The following GLDC variants were observed in gnomAD, a reference collection of about 807,000 sequenced individuals.
The protein encoded by GLDC is glycine decarboxylase, also known as glycine dehydrogenase (decarboxylating), mitochondrial.
GLDC carries 104 observed loss-of-function variants against 121.3 expected under a neutral mutation model. That is an observed-to-expected ratio of 0.86 (90% CI 0.73 to 1.01). The LOEUF (loss-of-function observed/expected upper bound fraction) is 1.01, where lower values mean the gene tolerates loss of function less well. GLDC is among the 50% of genes least tolerant of loss of function. The pLI is 0.00. For missense variants in GLDC, 1,429 were observed against 1,306.6 expected (o/e 1.09, Z -1.44); for synonymous variants, 546 against 480.6 (o/e 1.14, Z -1.78).
intron 21 of GLDC, among the ~76,000 whole-genome samples, chr9:6,546,610 C>T (rs1001919435): frequency 1.3e-5 from 2 of 152,016 alleles, no homozygotes; most frequent in Admixed American, 6.6e-5. Context: ...TGAAGGACCG[C>T]CCTGAAGCTG....
At chr9:6,605,402 G>T in intron 5 of GLDC, 124 bp from the exon 6 acceptor site, 1 of 905,128 alleles carries the variant, frequency 1.1e-6, no homozygotes, top group Non-Finnish European at 1.8e-6. Flanking sequence ...TCCCACCCCT[G>T]CCCACATCCC....
intron 2 of GLDC, among the ~76,000 whole-genome samples, chr9:6,638,788 A>C (rs1287649196): frequency 6.6e-6 from 1 of 152,094 alleles, no homozygotes; most frequent in Admixed American, 6.5e-5. Flanking sequence ...AGGCAGGCAG[A>C]TCACGAGGTC....
intron 7 of GLDC, among the ~76,000 whole-genome samples, chr9:6,602,455 C>T (rs1818635662): frequency 6.6e-6 from 1 of 151,508 alleles, no homozygotes; most frequent in South Asian, 2.1e-4. Flanking sequence ...CGGCTCACTG[C>T]AACCTCTGCC....
chr9:6,549,156 A>G (rs1817457103), intron 21 of GLDC, among the ~76,000 whole-genome samples: 1 of 152,218 alleles, frequency 6.6e-6, no homozygotes, highest in African/African-American at 2.4e-5. Context: ...AAAGCAGAAA[A>G]AATCTAAATA....
chr9:6,537,095 C>G (rs1026403634), intron 22 of GLDC, among the ~76,000 whole-genome samples: 3 of 150,414 alleles, frequency 2.0e-5, no homozygotes, highest in Admixed American at 6.6e-5. Context: ...CACTGGCACA[C>G]TCACGGCTCA....
intron 11 of GLDC, among the ~76,000 whole-genome samples, chr9:6,591,252 C>T (rs1348122905): frequency 1.3e-5 from 2 of 152,212 alleles, no homozygotes; most frequent in East Asian, 3.8e-4. Context: ...AACACTCGGA[C>T]CCATCTTCCT....
intron 2 of GLDC, among the ~76,000 whole-genome samples, chr9:6,628,617 C>T (rs1441221630): frequency 6.6e-6 from 1 of 152,078 alleles, no homozygotes; most frequent in African/African-American, 2.4e-5. Flanking sequence ...GAGACCTCGT[C>T]TCTACAAAAA....
chr9:6,589,138 A>G, intron 12 of GLDC, 57 bp downstream of exon 12: 1 of 1,038,760 alleles, frequency 9.6e-7, no homozygotes. Context: ...CACTCTGCCT[A>G]ACTCCCTAGC....
chr9:6,571,890 A>G (rs1817976512), intron 15 of GLDC, among the ~76,000 whole-genome samples: 1 of 152,246 alleles, frequency 6.6e-6, no homozygotes, highest in South Asian at 2.1e-4. Context: ...GAATCCAGAA[A>G]TAGATCCAAA....
intron 15 of GLDC, among the ~76,000 whole-genome samples, chr9:6,581,509 A>T (rs1818170534): frequency 1.3e-5 from 2 of 152,202 alleles, no homozygotes; most frequent in African/African-American, 2.4e-5. Context: ...GGCGTCTCTG[A>T]CAGACAGTTA....
chr9:6,624,903 G>A (rs375852132), intron 2 of GLDC, among the ~76,000 whole-genome samples: 5 of 151,794 alleles, frequency 3.3e-5, no homozygotes, highest in East Asian at 1.9e-4. Context: ...CAGGAGAATC[G>A]CTTGAACCAG....
At chr9:6,585,892 C>CTATCTATCT (rs558883539) in intron 15 of GLDC, among the ~76,000 whole-genome samples, 1 of 149,574 alleles carries the variant, frequency 6.7e-6, no homozygotes, top group Admixed American at 6.7e-5. Context: ...ATCTATCTAT[C>CTATCTATCT]ATCTGTCCAT....
intron 3 of GLDC, among the ~76,000 whole-genome samples, chr9:6,617,741 A>G (rs747926601): frequency 6.6e-6 from 1 of 152,216 alleles, no homozygotes; most frequent in Non-Finnish European, 1.5e-5. Flanking sequence ...AAATAATTGC[A>G]TCTACGACAA....
chr9:6,604,025 GC>G lies in GLDC; in HGVS notation c.1058+562del, dbSNP rs574161539. On this transcript the variant is annotated intron_variant, in intron 7 of 24. Coordinates refer to ENST00000321612, the MANE Select transcript of GLDC (RefSeq NM_000170.3). ...TTACAGGTGTGAGCCACCGCACCCA[GC>G]CCTTTTTTTCTTTTCTTTTCTTTTT... Among the ~76,000 whole-genome samples the G allele has an allele frequency of 2.0e-3, 305 of 152,008 alleles. 5 individuals carry two copies. Among genetic ancestry groups the G allele is most frequent in the African/African-American group, 6.7e-3 (276 of 41,478 alleles).
At chr9:6,622,962 C>T (rs1417117182) in intron 2 of GLDC, 47 of 192,894 alleles carry the variant, frequency 2.4e-4, no homozygotes, top group Middle Eastern at 2.4e-3. Context: ...GGAACGTCTC[C>T]GCCCGGCAGC....
intron 8 of GLDC, 122 bp from the exon 9 acceptor site, chr9:6,595,241 C>T: frequency 6.4e-6 from 5 of 776,760 alleles, no homozygotes; most frequent in Middle Eastern, 2.2e-4. Flanking sequence ...AGATTTCCTA[C>T]ATTCTTTGAT....
chr9:6,636,708 G>T (rs1819509156), intron 2 of GLDC, among the ~76,000 whole-genome samples: 2 of 152,116 alleles, frequency 1.3e-5, no homozygotes, highest in Non-Finnish European at 2.9e-5. Context: ...CCAGGAGGTC[G>T]AGGCTGCAGT....
chr9:6,558,923 A>G (rs764513270), intron 16 of GLDC, among the ~76,000 whole-genome samples: 1 of 152,228 alleles, frequency 6.6e-6, no homozygotes, highest in South Asian at 2.1e-4. Context: ...CAGGAAATCA[A>G]TACAATCTTC....
intron 19 of GLDC, among the ~76,000 whole-genome samples, chr9:6,554,174 T>G (rs1177843864): frequency 6.6e-6 from 1 of 152,210 alleles, no homozygotes; most frequent in Non-Finnish European, 1.5e-5. Context: ...GAAATATTCC[T>G]TCAGTCCTAC....
Sources: gnomAD v4.1 joint callset for allele counts (sites outside exome capture counted in the v4.1 genomes callset) on GRCh38, gnomAD v4.1.1 for gene constraint, MANE v1.5 for transcripts, NCBI Gene and HGNC (gene_info 2026-07-23, HGNC 2026-07-21) for gene names.